ITPR1: variants seen among roughly 807,000 people sequenced by gnomAD.
ITPR1 encodes inositol 1,4,5-trisphosphate-gated calcium channel ITPR1.
Under a neutral mutation model 318.4 loss-of-function variants are expected in ITPR1, and 96 were observed. That is an observed-to-expected ratio of 0.30 (90% confidence interval 0.26 to 0.36). The LOEUF (loss-of-function observed/expected upper bound fraction) is 0.36. Ranked by LOEUF, ITPR1 falls within the 10% of genes least tolerant of loss-of-function variation. ITPR1 has a pLI of 1.00. For synonymous variants in ITPR1, 1,312 were observed against 1,289.9 expected, an observed-to-expected ratio of 1.02 and a Z score of -0.37; for missense variants, 2,440 against 3,460.2, an observed-to-expected ratio of 0.71 and a Z score of 7.40.
chr3:4,727,058 G>T, intron 41 of ITPR1, 68 bp from the exon 42 acceptor site: 2 of 1,200,718 alleles, frequency 1.7e-6, no homozygotes, highest in South Asian at 2.4e-5. Flanking sequence ...TTTTATATGT[G>T]ACTGATGCTG....
intron 4 of ITPR1, among the ~76,000 whole-genome samples, chr3:4,581,424 T>C (rs529927212): frequency 4.6e-5 from 7 of 152,322 alleles, no homozygotes; most frequent in African/African-American, 1.4e-4. Flanking sequence ...GTATGGTGTA[T>C]GGTGGTTGCT....
chr3:4,538,159 A>G (rs1453535070), intron 4 of ITPR1, among the ~76,000 whole-genome samples: 1 of 152,188 alleles, frequency 6.6e-6, no homozygotes, highest in Non-Finnish European at 1.5e-5. Context: ...TAATCTATAA[A>G]TTCCCTTAAA....
chr3:4,773,566 G>A (rs1559872297), intron 46 of ITPR1, among the ~76,000 whole-genome samples: 1 of 152,072 alleles, frequency 6.6e-6, no homozygotes, highest in African/African-American at 2.4e-5. Context: ...TTCACTGGGA[G>A]CAGTAACAGA....
At chr3:4,498,010 A>G (rs1461982535) in intron 2 of ITPR1, among the ~76,000 whole-genome samples, 1 of 152,222 alleles carries the variant, frequency 6.6e-6, no homozygotes, top group Non-Finnish European at 1.5e-5. Flanking sequence ...CCCTGCAGAC[A>G]GAAAGTAGAA....
rs562001381 is a variant in ITPR1 at position 4,677,571 on chromosome 3, G to A, written c.2967+770G>A. On this transcript the variant is annotated intron_variant, in intron 24 of 61. Transcript: ENST00000649015. ...ACCCCATGGTGAAGAGGGCACATTT[G>A]GGAACAGGTGGGGTTCAAGAGGGAA... is the stretch of plus-strand genomic sequence containing the variant. 2.0e-5 allele frequency among the ~76,000 whole-genome samples: 3 copies of A among 152,282 alleles called. No homozygotes were observed. In the South Asian group the frequency reaches 6.2e-4, roughly 32 times the overall value.
chr3:4,663,048 G>A lies in ITPR1; in HGVS notation c.1413-17G>A, dbSNP rs377519874. The A allele has an allele frequency of 1.9e-6, 3 of 1,612,444 alleles. No individual in the cohort carries two copies. The highest frequency in any genetic ancestry group is 1.1e-5 in the South Asian group (1 of 90,954). ...ACACTGAACACATCTGTCTCTAATA[G>A]CGTCTTTCCTCCTAAGGTCTGTAAC... On this transcript the variant is annotated splice_polypyrimidine_tract_variant and intron_variant, in intron 15 of 61. Coordinates refer to ENST00000649015, the MANE Select transcript of ITPR1 (RefSeq NM_001378452.1).
At chr3:4,495,548 C>G (rs2080483798) in intron 2 of ITPR1, among the ~76,000 whole-genome samples, 1 of 152,070 alleles carries the variant, frequency 6.6e-6, no homozygotes, top group South Asian at 2.1e-4. Flanking sequence ...GCTCATAGAG[C>G]CAAGGATTAG....
In ITPR1 at chr3:4,794,576, T is replaced by A. The variant is rs189436523; in HGVS notation, c.6809-489T>A. Among the ~76,000 whole-genome samples, 23 of 152,324 alleles carry A rather than the reference T, an allele frequency of 1.5e-4. No individual in the cohort carries two copies. In the South Asian group the frequency reaches 4.6e-3, roughly 30 times the overall value. ...GAGCCAGAGAGGAATGTGGAAATGATACCAGCCCTAGTCTGGGGCCCAGCG... is the reference window on the plus strand; with the variant it reads ...GAGCCAGAGAGGAATGTGGAAATGAAACCAGCCCTAGTCTGGGGCCCAGCG... On this transcript the variant is annotated intron_variant, in intron 52 of 61. Transcript: ENST00000649015.
At chr3:4,713,740 T>TG (rs1205220091) in intron 39 of ITPR1, among the ~76,000 whole-genome samples, 6 of 152,346 alleles carry the variant, frequency 3.9e-5, no homozygotes, top group African/African-American at 1.4e-4. Flanking sequence ...TAGAGGTTCC[T>TG]GGGGTCTAGC....
rs1160853703 is a variant in ITPR1 at position 4,563,551 on chromosome 3, G to A, written c.163+42457G>A. On this transcript the variant is annotated intron_variant, in intron 4 of 61. Transcript: ENST00000649015. ...AATTTGTCCTCTCTGTATGCATATTGAGAATTATTACATAAGTTGGGTTTT... is the reference window on the plus strand; with the variant it reads ...AATTTGTCCTCTCTGTATGCATATTAAGAATTATTACATAAGTTGGGTTTT... Among the ~76,000 whole-genome samples the A allele has an allele frequency of 2.0e-5, 3 of 152,116 alleles. No homozygotes were observed. The East Asian group carries it at 5.8e-4, about 29-fold the overall frequency.
chr3:4,619,898 T>G (rs1389410863), intron 4 of ITPR1, among the ~76,000 whole-genome samples: 1 of 150,668 alleles, frequency 6.6e-6, no homozygotes, highest in Non-Finnish European at 1.5e-5. Context: ...TGTTTTTTGT[T>G]TCTACTTTCT....
At chr3:4,795,775 C>T (rs2125416051) in intron 53 of ITPR1, among the ~76,000 whole-genome samples, 1 of 152,240 alleles carries the variant, frequency 6.6e-6, no homozygotes, top group South Asian at 2.1e-4. Flanking sequence ...TTCTGGGTTC[C>T]CCCCAGCCTA....
intron 4 of ITPR1, among the ~76,000 whole-genome samples, chr3:4,609,639 A>G (rs1305243533): frequency 6.6e-6 from 1 of 152,082 alleles, no homozygotes; most frequent in Admixed American, 6.5e-5. Flanking sequence ...GGGCTGGGTC[A>G]CAACGTATTC....
Position 4,676,677 on chromosome 3 carries a change from G to A in ITPR1, c.2843G>A (p.Gly948Glu), listed in dbSNP as rs1443276640. The A allele has an allele frequency of 6.2e-7, 1 of 1,613,694 alleles. No homozygotes were observed. The highest frequency in any genetic ancestry group is 8.5e-7 in the Non-Finnish European group (1 of 1,179,840). Residue 948 changes from glycine to glutamate, a missense_variant, in exon 24 of 62, where the codon GGA becomes GAA. By Grantham distance (98) the Gly-to-Glu change is moderately conservative. Transcript: ENST00000649015. ...GELMTQVVLR[G>E]GGFLPMTPMA... ...CTGATGACCCAGGTGGTGCTCCGGG[G>A]AGGAGGCTTTTTGCCCATGACTCCC...
intron 44 of ITPR1, among the ~76,000 whole-genome samples, chr3:4,740,109 A>G (rs1228921018): frequency 6.6e-6 from 1 of 152,148 alleles, no homozygotes; most frequent in Non-Finnish European, 1.5e-5. Flanking sequence ...GAAAAACTCC[A>G]CCTCTTATTG....
intron 44 of ITPR1, among the ~76,000 whole-genome samples, chr3:4,753,177 C>G (rs1422351472): frequency 6.6e-6 from 1 of 152,080 alleles, no homozygotes; most frequent in African/African-American, 2.4e-5. Flanking sequence ...CGCGGTCTAC[C>G]CCATGGTGGT....
chr3:4,556,690 C>G (rs1003038335), intron 4 of ITPR1, among the ~76,000 whole-genome samples: 3 of 151,982 alleles, frequency 2.0e-5, no homozygotes, highest in African/African-American at 4.8e-5. Context: ...CTGGATATAC[C>G]ACGATTTATA....
intron 5 of ITPR1, 136 bp downstream of exon 5, chr3:4,628,014 G>T (rs2092895418): frequency 1.8e-6 from 1 of 565,566 alleles, no homozygotes; most frequent in Admixed American, 3.2e-5. Flanking sequence ...TTTCGTGAAG[G>T]GGTAGAAGGG....
intron 60 of ITPR1, among the ~76,000 whole-genome samples, chr3:4,834,048 C>T (rs975804011): frequency 1.2e-4 from 19 of 152,294 alleles, no homozygotes; most frequent in East Asian, 7.7e-4. Flanking sequence ...CCCACCACCA[C>T]ACCGAGCTAA....
Sources: allele counts gnomAD v4.1 joint callset (sites outside exome capture counted in the v4.1 genomes callset), GRCh38; gene constraint gnomAD v4.1.1; transcripts MANE v1.5; gene names NCBI Gene and HGNC (gene_info 2026-07-23, HGNC 2026-07-21).